Variants in CTNNA1 observed in about 807,000 individuals in gnomAD.
The protein encoded by CTNNA1 is catenin alpha-1.
A neutral mutation model predicts 98.4 loss-of-function variants in CTNNA1; 37 were observed. The ratio of observed to expected loss-of-function variants is 0.38; its 90% CI spans 0.29 to 0.49. The LOEUF (loss-of-function observed/expected upper bound fraction) is 0.49. Ranked by LOEUF, CTNNA1 falls within the 20% of genes least tolerant of loss-of-function variation. The pLI is 0.95. For synonymous variants in CTNNA1, 404 were observed against 413.2 expected, an observed-to-expected ratio of 0.98 and a Z score of 0.27; for missense variants, 761 against 1,147.2, an observed-to-expected ratio of 0.66 and a Z score of 4.86.
chr5:138,753,734 G>C (rs1416525184), intron 1 of CTNNA1: 1 of 311,650 alleles, frequency 3.2e-6, no homozygotes, highest in Non-Finnish European at 5.9e-6. Flanking sequence ...GGGCCCGGGC[G>C]GGCACGGCCG....
Position 138,934,979 on chromosome 5 carries a change from A to C in CTNNA1, c.*890A>C, listed in dbSNP as rs900642545. On this transcript the variant is annotated 3_prime_UTR_variant, in exon 18 of 18. Coordinates refer to ENST00000302763, the MANE Select transcript of CTNNA1 (RefSeq NM_001903.5). ...TATTTAAATTTTATGAATTAATTTG[A>C]ATGTTTTTTACACTAACTAACTTTT... is the stretch of plus-strand genomic sequence containing the variant. The C allele has an allele frequency of 1.3e-5, 2 of 152,272 alleles. No individual in the cohort carries two copies. The highest frequency in any genetic ancestry group is 2.9e-5 in the Non-Finnish European group (2 of 68,040). 9.4% of individuals were successfully genotyped at this position (152,272 alleles called of 1,614,324 possible). A position where few individuals can be genotyped will look rare whatever the true frequency, so the allele number is the denominator to read the frequency against.
chr5:138,903,143 T>A (rs1321970896), intron 9 of CTNNA1, among the ~76,000 whole-genome samples: 1 of 152,202 alleles, frequency 6.6e-6, no homozygotes, highest in Non-Finnish European at 1.5e-5. Flanking sequence ...TTTACATTTT[T>A]ATGTTTAAAT....
At chr5:138,879,843 A>G (rs1184702981) in intron 7 of CTNNA1, among the ~76,000 whole-genome samples, 2 of 152,202 alleles carry the variant, frequency 1.3e-5, no homozygotes, top group African/African-American at 2.4e-5. Flanking sequence ...TACACTAACA[A>G]TGGTAAGCAG....
Position 138,930,829 on chromosome 5 carries a change from G to GAGGTAAA in CTNNA1, c.2193_2199dup (p.Gly734ArgfsTer2). On this transcript the variant is annotated frameshift_variant and splice_region_variant. Transcript: ENST00000302763. LOFTEE classifies it high-confidence loss of function. ...ATCCTTGTTCTCTTCCCTCTTCTCA[G>GAGGTAAA]AGGTAAAGGACCACTCAAAAATACA... The GAGGTAAA allele has an allele frequency of 6.2e-7, 1 of 1,601,696 alleles. No individual in the cohort carries two copies. The highest frequency in any genetic ancestry group is 8.6e-7 in the Non-Finnish European group (1 of 1,168,680).
At chr5:138,896,955 GT>G (rs1390620493) in intron 9 of CTNNA1, among the ~76,000 whole-genome samples, 3 of 152,024 alleles carry the variant, frequency 2.0e-5, no homozygotes, top group Non-Finnish European at 4.4e-5. Flanking sequence ...AAAGAGCATT[GT>G]TTTACCTTTT....
Position 138,774,225 on chromosome 5 carries a change from A to C in CTNNA1, c.-2-7698A>C, listed in dbSNP as rs542310631. 4.0e-5 allele frequency among the ~76,000 whole-genome samples: 6 copies of C among 151,598 alleles called. No individual in the cohort carries two copies. The East Asian group carries it at 1.2e-3, about 30-fold the overall frequency. ...TTATTTGTAGAGATGAGGTCTCGCT[A>C]TGTTGCCCAGGCTGGTCTTGAACTC... On this transcript the variant is annotated intron_variant, in intron 1 of 17. Transcript: ENST00000302763.
intron 6 of CTNNA1, among the ~76,000 whole-genome samples, chr5:138,827,115 A>C (rs1760803049): frequency 6.6e-6 from 1 of 152,234 alleles, no homozygotes; most frequent in African/African-American, 2.4e-5. Flanking sequence ...GTGGTGCAAC[A>C]GTTCTAAATA....
intron 3 of CTNNA1, among the ~76,000 whole-genome samples, chr5:138,783,878 G>A (rs1046189131): frequency 6.6e-6 from 1 of 152,186 alleles, no homozygotes; most frequent in East Asian, 1.9e-4. Flanking sequence ...AATCAGCCAT[G>A]CATATTTGAA....
intron 5 of CTNNA1, among the ~76,000 whole-genome samples, chr5:138,818,193 T>G (rs1163815638): frequency 6.6e-6 from 1 of 151,470 alleles, no homozygotes; most frequent in Non-Finnish European, 1.5e-5. Flanking sequence ...GCAGTGGCAT[T>G]TTCTCGGCAG....
At chr5:138,882,948 C>A (rs1753253561) in intron 7 of CTNNA1, among the ~76,000 whole-genome samples, 1 of 152,192 alleles carries the variant, frequency 6.6e-6, no homozygotes, top group African/African-American at 2.4e-5. Context: ...CCTGTCTCAG[C>A]CTCCCGAGTA....
At chr5:138,771,560 AGTT>A (rs1347023694) in intron 1 of CTNNA1, among the ~76,000 whole-genome samples, 1 of 151,700 alleles carries the variant, frequency 6.6e-6, no homozygotes, top group Non-Finnish European at 1.5e-5. Context: ...TCTTTTTAAA[AGTT>A]GTTTTTGTAG....
intron 7 of CTNNA1, among the ~76,000 whole-genome samples, chr5:138,829,095 C>T (rs1761009783): frequency 6.6e-6 from 1 of 151,990 alleles, no homozygotes; most frequent in South Asian, 2.1e-4. Flanking sequence ...GTGCTCCAGC[C>T]TGGGCGACAG....
chr5:138,932,152 T>A (rs570229764), intron 16 of CTNNA1: 1 of 994,902 alleles, frequency 1.0e-6, no homozygotes, highest in East Asian at 1.1e-4. Context: ...ACTATTTGTT[T>A]ACTTAGCTAA....
Position 138,874,971 on chromosome 5 carries a change from C to A in CTNNA1, c.1063-11241C>A. On this transcript the variant is annotated intron_variant, in intron 7 of 17. Coordinates refer to ENST00000302763, the MANE Select transcript of CTNNA1 (RefSeq NM_001903.5). This position sits in a 1 kb window ranked among gnomAD's most constrained non-coding sequence, Gnocchi z 4.1. Reference sequence around the variant, plus strand: ...GGTTGTTAGACTCAACGCAGTGAGTCTGTAAAAGGCTCTAACATGTAGGAG... The same window carrying A: ...GGTTGTTAGACTCAACGCAGTGAGTATGTAAAAGGCTCTAACATGTAGGAG... The A allele has an allele frequency of 6.3e-7, 1 of 1,590,050 alleles. No individual in the cohort carries two copies. The highest frequency in any genetic ancestry group is 1.1e-5 in the South Asian group (1 of 90,208).
intron 3 of CTNNA1, among the ~76,000 whole-genome samples, chr5:138,809,071 A>G (rs529676164): frequency 6.6e-6 from 1 of 152,322 alleles, no homozygotes; most frequent in Admixed American, 6.5e-5. Flanking sequence ...TGCAACCTCA[A>G]ACACATGGGC....
At chr5:138,788,591 T>C (rs752777764) in intron 3 of CTNNA1, among the ~76,000 whole-genome samples, 1 of 152,160 alleles carries the variant, frequency 6.6e-6, no homozygotes, top group Non-Finnish European at 1.5e-5. Context: ...ACATTCCCCA[T>C]ACATGTACAT....
intron 16 of CTNNA1, chr5:138,932,190 G>A (rs1476559815): frequency 2.9e-6 from 3 of 1,018,078 alleles, no homozygotes; most frequent in Non-Finnish European, 3.5e-6. Flanking sequence ...TCCATAGCCA[G>A]GCTCCTGCTT....
intron 7 of CTNNA1, among the ~76,000 whole-genome samples, chr5:138,844,383 T>C (rs1463071673): frequency 6.6e-6 from 1 of 152,200 alleles, no homozygotes; most frequent in African/African-American, 2.4e-5. Flanking sequence ...TTAGTAGTGA[T>C]GTTTACATTG....
chr5:138,822,540 T>A (rs983040809), intron 5 of CTNNA1, among the ~76,000 whole-genome samples: 18 of 152,128 alleles, frequency 1.2e-4, no homozygotes, highest in African/African-American at 4.3e-4. Flanking sequence ...CGGAAAACTT[T>A]TAGAGCCCCT....
Sources: allele counts gnomAD v4.1 joint callset (sites outside exome capture counted in the v4.1 genomes callset), GRCh38; gene constraint gnomAD v4.1.1; non-coding constraint Gnocchi (gnomAD v3.1); transcripts MANE v1.5; gene names NCBI Gene and HGNC (gene_info 2026-07-23, HGNC 2026-07-21).